The following PADI4 variants were observed in gnomAD, a reference collection of about 807,000 sequenced individuals.
The protein encoded by PADI4 is protein-arginine deiminase type-4.
Under a neutral mutation model 75.0 loss-of-function variants are expected in PADI4, and 62 were observed. The ratio of observed to expected loss-of-function variants is 0.83; its 90% CI spans 0.67 to 1.02. The LOEUF is 1.02. Ranked by LOEUF, PADI4 falls within the 50% of genes least tolerant of loss-of-function variation. The probability of loss-of-function intolerance (pLI) is 0.00; values close to 1 mark genes in which losing one functional copy is unlikely to be tolerated. For synonymous variants in PADI4, 361 were observed against 348.1 expected (o/e 1.04, Z -0.41); for missense variants, 845 against 850.5 (o/e 0.99, Z 0.08).
At position 17,347,989 on chromosome 1, in the gene PADI4, G is replaced by C. The variant is rs139880564; in HGVS notation, c.1096G>C (p.Val366Leu). 1.9e-6 allele frequency: 3 copies of C among 1,607,236 alleles called. No homozygotes were observed. In the Admixed American group the frequency reaches 5.0e-5, roughly 27 times the overall value. The change falls in exon 10 of 16, where the codon GTG becomes CTG. Residue 366 changes from valine to leucine, a missense_variant. Val to Leu is a conservative substitution (Grantham distance 32). Transcript: ENST00000375448. ...YIQAPHKTLP[V>L]VFDSPRNRGL... Reference sequence around the variant, plus strand: ...CCAAGCCCCACACAAAACGCTGCCCGTGGTCTTCGACTCTCCAAGGAACAG... The same window carrying C: ...CCAAGCCCCACACAAAACGCTGCCCCTGGTCTTCGACTCTCCAAGGAACAG...
At chr1:17,316,162 G>C (rs937969833) in intron 1 of PADI4, among the ~76,000 whole-genome samples, 2 of 152,020 alleles carry the variant, frequency 1.3e-5, no homozygotes, top group Admixed American at 6.5e-5. Context: ...GGGAGGCCAA[G>C]GTGGGCTGAT....
chr1:17,345,828 G>C (rs556384829), intron 8 of PADI4, among the ~76,000 whole-genome samples, 200 bp from the exon 9 acceptor site: 1 of 152,102 alleles, frequency 6.6e-6, no homozygotes, highest in Non-Finnish European at 1.5e-5. Flanking sequence ...GGTGGAAGGG[G>C]TACCCACTAG....
At chr1:17,337,943 T>A in intron 4 of PADI4, 95 bp from the exon 5 acceptor site, 1 of 533,358 alleles carries the variant, frequency 1.9e-6, no homozygotes, top group South Asian at 2.9e-5. Flanking sequence ...AAATAAATTT[T>A]AAAAAAGAGG....
At position 17,358,588 on chromosome 1, in the gene PADI4, A is replaced by T. The variant is rs1189214271; in HGVS notation, c.1559-250A>T. 1.8e-4 allele frequency among the ~76,000 whole-genome samples: 2 copies of T among 11,298 alleles called. 1 individual carries two copies. Among genetic ancestry groups the T allele is most frequent in the Non-Finnish European group, 3.1e-4 (2 of 6,378 alleles). 7.4% of individuals were successfully genotyped at this position (11,298 alleles called of 152,430 possible). On this transcript the variant is annotated intron_variant, in intron 13 of 15. Coordinates refer to ENST00000375448, the MANE Select transcript of PADI4 (RefSeq NM_012387.3). ...CTCAAAAAAAAAAAAAAATAATAATAAAAATAAAAATATATTTTAAAAAGA... is the reference window on the plus strand; with the variant it reads ...CTCAAAAAAAAAAAAAAATAATAATTAAAATAAAAATATATTTTAAAAAGA...
At chr1:17,330,553 C>A (rs924723604) in intron 1 of PADI4, among the ~76,000 whole-genome samples, 229 of 31,308 alleles carry the variant, frequency 7.3e-3, no homozygotes, top group African/African-American at 0.019. Flanking sequence ...GAGCCCCTAG[C>A]AAGCCACTGG....
intron 10 of PADI4, 40 bp from the exon 11 acceptor site, chr1:17,354,488 GGACCT>G: frequency 6.3e-7 from 1 of 1,594,866 alleles, no homozygotes; most frequent in Admixed American, 1.7e-5. Context: ...CCTTCACCAG[GGACCT>G]CATTCCTCTA....
intron 1 of PADI4, among the ~76,000 whole-genome samples, chr1:17,325,652 G>A (rs1277066825): frequency 6.7e-6 from 1 of 150,178 alleles, no homozygotes; most frequent in Non-Finnish European, 1.5e-5. Flanking sequence ...TCTTGCTGCA[G>A]TGCTTAGAAT....
At chr1:17,321,714 C>T (rs990660464) in intron 1 of PADI4, among the ~76,000 whole-genome samples, 5 of 152,194 alleles carry the variant, frequency 3.3e-5, no homozygotes, top group Non-Finnish European at 7.3e-5. Context: ...GAAGGATCAA[C>T]ATCAGAATGT....
At chr1:17,349,182 G>A (rs1310258218) in intron 10 of PADI4, among the ~76,000 whole-genome samples, 4 of 152,210 alleles carry the variant, frequency 2.6e-5, no homozygotes, top group East Asian at 1.9e-4. Flanking sequence ...AGCTGCTACC[G>A]TGACTTTGCC....
Position 17,345,208 on chromosome 1 carries a change from C to T in PADI4, c.936-820C>T, listed in dbSNP as rs190568729. 2.4e-3 allele frequency among the ~76,000 whole-genome samples: 369 copies of T among 152,288 alleles called. 3 individuals are homozygous for T. The highest frequency in any genetic ancestry group is 0.013 in the Admixed American group (202 of 15,290). On this transcript the variant is annotated intron_variant, in intron 8 of 15. Coordinates refer to ENST00000375448, the MANE Select transcript of PADI4 (RefSeq NM_012387.3). The stretch of plus-strand genomic sequence containing the variant: ...TGGACTTGCATGGGCCCTGTAACCC[C>T]CTTGTTTTGGCCAATTTCTCCCATT...
At chr1:17,350,388 A>G (rs1197284861) in intron 10 of PADI4, among the ~76,000 whole-genome samples, 1 of 131,418 alleles carries the variant, frequency 7.6e-6, no homozygotes, top group Non-Finnish European at 1.7e-5. Flanking sequence ...TGACTGCAGC[A>G]TCTCTGAGCT....
intron 1 of PADI4, among the ~76,000 whole-genome samples, chr1:17,320,685 G>T (rs1259597889): frequency 1.3e-5 from 2 of 152,186 alleles, no homozygotes; most frequent in Non-Finnish European, 2.9e-5. Context: ...ACGACCAGAA[G>T]TCACTCTCGT....
intron 1 of PADI4, among the ~76,000 whole-genome samples, chr1:17,313,196 A>C (rs1450172274): frequency 6.6e-6 from 1 of 151,402 alleles, no homozygotes; most frequent in Non-Finnish European, 1.5e-5. Flanking sequence ...CCTCAAAAAA[A>C]ATAGAAAGAA....
chr1:17,345,952 G>T, intron 8 of PADI4, 76 bp from the exon 9 acceptor site: 1 of 958,402 alleles, frequency 1.0e-6, no homozygotes, highest in Non-Finnish European at 1.7e-6. Context: ...TGAGCCACCT[G>T]TGTGTCCCTC....
intron 1 of PADI4, among the ~76,000 whole-genome samples, chr1:17,325,134 G>T (rs1313371490): frequency 1.3e-5 from 2 of 151,982 alleles, no homozygotes; most frequent in South Asian, 2.1e-4. Context: ...AACTTGTCAA[G>T]TTCCATAAGA....
chr1:17,360,150 G>T (rs1408173425), intron 15 of PADI4, among the ~76,000 whole-genome samples: 1 of 152,160 alleles, frequency 6.6e-6, no homozygotes, highest in Non-Finnish European at 1.5e-5. Flanking sequence ...AATTAGACAG[G>T]TGTCCTGGCA....
At chr1:17,326,160 C>G (rs747860752) in intron 1 of PADI4, among the ~76,000 whole-genome samples, 9 of 150,118 alleles carry the variant, frequency 6.0e-5, no homozygotes, top group Non-Finnish European at 3.0e-5. Context: ...AATATTTTTT[C>G]TCTTGATCAA....
At chr1:17,319,919 A>C (rs2074005936) in intron 1 of PADI4, among the ~76,000 whole-genome samples, 1 of 152,156 alleles carries the variant, frequency 6.6e-6, no homozygotes, top group African/African-American at 2.4e-5. Context: ...GTACGAAAAA[A>C]CCTTTCAGCC....
chr1:17,310,365 T>C (rs4920591), intron 1 of PADI4, among the ~76,000 whole-genome samples: 85,132 of 151,936 alleles, frequency 0.56, 25,744 homozygotes, highest in South Asian at 0.78. Flanking sequence ...CAGACCTTCC[T>C]GTCACTTCTT....
Sources: gnomAD v4.1 joint callset for allele counts (sites outside exome capture counted in the v4.1 genomes callset) on GRCh38, gnomAD v4.1.1 for gene constraint, MANE v1.5 for transcripts, NCBI Gene and HGNC (gene_info 2026-07-23, HGNC 2026-07-21) for gene names.